PRKCH: variants seen among roughly 807,000 people sequenced by gnomAD.
The protein encoded by PRKCH is protein kinase C eta, also known as protein kinase C eta type.
A neutral mutation model predicts 82.5 loss-of-function variants in PRKCH; 28 were observed. That is an observed-to-expected ratio of 0.34 (90% confidence interval 0.25 to 0.47). The LOEUF is 0.47. Among genes scored for constraint, PRKCH ranks in the 20% least tolerant of loss-of-function variants. The pLI is 1.00. For missense variants in PRKCH, 705 were observed against 881.8 expected, an observed-to-expected ratio of 0.80 and a Z score of 2.54; for synonymous variants, 322 against 327.4, an observed-to-expected ratio of 0.98 and a Z score of 0.18.
At chr14:61,425,316 G>C (rs907554948) in intron 2 of PRKCH, among the ~76,000 whole-genome samples, 3 of 152,200 alleles carry the variant, frequency 2.0e-5, no homozygotes, top group African/African-American at 4.8e-5. Context: ...GCAGCCAGGA[G>C]GGGGATATAC....
intron 1 of PRKCH, among the ~76,000 whole-genome samples, chr14:61,379,211 C>T (rs1007090108): frequency 2.0e-5 from 3 of 149,956 alleles, no homozygotes; most frequent in African/African-American, 7.4e-5. Context: ...TAGATGCCCC[C>T]CCTCCCCAGG....
chr14:61,524,486 T>TA (rs2042942988), intron 10 of PRKCH, among the ~76,000 whole-genome samples: 1 of 152,232 alleles, frequency 6.6e-6, no homozygotes, highest in South Asian at 2.1e-4. Flanking sequence ...CTGTATGAAC[T>TA]TGTAATCTTC....
At position 61,460,471 on chromosome 14, in the gene PRKCH, T is replaced by C. The variant is rs79984160; in HGVS notation, c.1278+2792T>C. On this transcript the variant is annotated intron_variant, in intron 9 of 13. Transcript: ENST00000332981. ...TTGAGTTCAATTGCCCCCTCCCCCA[T>C]TGTGGTTAAAGATAGTGAACGTTTT... Among the ~76,000 whole-genome samples, 476 of 152,300 alleles carry C rather than the reference T, an allele frequency of 3.1e-3. 11 individuals are homozygous for C. The East Asian group carries it at 0.06, about 19-fold the overall frequency.
At chr14:61,271,846 A>G (rs2045156225) in intron 1 of PRKCH, among the ~76,000 whole-genome samples, 1 of 152,238 alleles carries the variant, frequency 6.6e-6, no homozygotes, top group Non-Finnish European at 1.5e-5. Context: ...GTCCCCAACC[A>G]GCTGCATAAC....
At chr14:61,416,569 G>C (rs71416099) in intron 2 of PRKCH, among the ~76,000 whole-genome samples, 1 of 152,072 alleles carries the variant, frequency 6.6e-6, no homozygotes, top group South Asian at 2.1e-4. Flanking sequence ...GCTTGGCTCA[G>C]CTGCTGGGCG....
At chr14:61,358,505 A>G (rs2046180781) in intron 1 of PRKCH, among the ~76,000 whole-genome samples, 1 of 152,082 alleles carries the variant, frequency 6.6e-6, no homozygotes, top group African/African-American at 2.4e-5. Context: ...GATTCCCATT[A>G]CCACTACCTG....
intron 2 of PRKCH, among the ~76,000 whole-genome samples, chr14:61,403,101 A>T (rs952052950): frequency 6.6e-6 from 1 of 152,134 alleles, no homozygotes; most frequent in African/African-American, 2.4e-5. Flanking sequence ...CACTCTCTCT[A>T]TCTTTGGGGG....
At chr14:61,343,011 A>G (rs757158484) in intron 1 of PRKCH, among the ~76,000 whole-genome samples, 3 of 152,194 alleles carry the variant, frequency 2.0e-5, no homozygotes, top group Non-Finnish European at 2.9e-5. Context: ...TTCTCCATGG[A>G]TCCGATATTG....
chr14:61,392,997 T>TAAATAAATGGTTCTAGCA (rs1266332554), intron 2 of PRKCH, among the ~76,000 whole-genome samples: 3 of 152,204 alleles, frequency 2.0e-5, no homozygotes, highest in African/African-American at 7.2e-5. Flanking sequence ...ATTAAAAGTC[T>TAAATAAATGGTTCTAGCA]CCCCTGGCCC....
chr14:61,469,202 A>G (rs11158348), intron 9 of PRKCH, among the ~76,000 whole-genome samples: 20,473 of 152,208 alleles, frequency 0.13, 2,971 homozygotes, highest in African/African-American at 0.37. Context: ...CTCCCAAAGT[A>G]TTAGGATTAC....
At chr14:61,229,610 G>A (rs1442970435) in intron 1 of PRKCH, among the ~76,000 whole-genome samples, 7 of 152,164 alleles carry the variant, frequency 4.6e-5, no homozygotes, top group South Asian at 2.1e-4. Flanking sequence ...ACCTGAGACC[G>A]AAGGGAAGAT....
At chr14:61,263,591 C>T (rs1357703426) in intron 1 of PRKCH, among the ~76,000 whole-genome samples, 4 of 152,130 alleles carry the variant, frequency 2.6e-5, no homozygotes, top group Non-Finnish European at 5.9e-5. Context: ...AATTCTATTG[C>T]CAATTATCTA....
chr14:61,367,345 C>T (rs1810491999), intron 1 of PRKCH, among the ~76,000 whole-genome samples: 4 of 142,662 alleles, frequency 2.8e-5, no homozygotes, highest in South Asian at 4.5e-4. Context: ...TCAGGTATTG[C>T]GTGTGTGTGT....
At chr14:61,234,385 G>A in intron 1 of PRKCH, among the ~76,000 whole-genome samples, 2 of 152,216 alleles carry the variant, frequency 1.3e-5, no homozygotes, top group Middle Eastern at 6.8e-3. Context: ...CTAGTGTGCT[G>A]CTCCCTTGGT....
chr14:61,226,622 C>A (rs1032734578), intron 1 of PRKCH, among the ~76,000 whole-genome samples: 2 of 152,134 alleles, frequency 1.3e-5, no homozygotes, highest in Admixed American at 6.5e-5. Context: ...TGTGGATAGA[C>A]CATGGAATTA....
chr14:61,346,349 A>T (rs967484232), intron 1 of PRKCH, among the ~76,000 whole-genome samples: 2 of 152,312 alleles, frequency 1.3e-5, no homozygotes, highest in East Asian at 3.9e-4. Context: ...CCTAACAGTG[A>T]ATTCCTAGGT....
At chr14:61,537,757 G>A (rs1416389733) in intron 12 of PRKCH, 1 of 152,218 alleles carries the variant, frequency 6.6e-6, no homozygotes, top group African/African-American at 2.4e-5. Context: ...TGTTGACTCT[G>A]GAAGCACTGT....
Position 61,530,473 on chromosome 14 carries a change from A to G in PRKCH, c.1639A>G (p.Met547Val). The G allele has an allele frequency of 2.5e-6, 4 of 1,612,074 alleles. No homozygotes were observed. Among genetic ancestry groups the G allele is most frequent in the Non-Finnish European group, 3.4e-6 (4 of 1,179,064 alleles). ...WWAMGVLLYE[M>V]LCGHAPFEAE... is the part of the protein sequence containing the mutation. ...GGCAATGGGCGTGTTGCTCTATGAG[A>G]TGCTCTGTGGTCACGCGCCTTTTGA... Residue 547 changes from methionine to valine, a missense_variant, in exon 12 of 14, where the codon ATG becomes GTG. Transcript: ENST00000332981.
intron 1 of PRKCH, among the ~76,000 whole-genome samples, chr14:61,389,277 G>C (rs564835100): frequency 6.6e-5 from 10 of 152,074 alleles, no homozygotes; most frequent in African/African-American, 2.4e-4. Context: ...TTGAACCCAG[G>C]TGGTCGAGGC....
Sources: gnomAD v4.1 joint callset for allele counts (sites outside exome capture counted in the v4.1 genomes callset) on GRCh38, gnomAD v4.1.1 for gene constraint, MANE v1.5 for transcripts, NCBI Gene and HGNC (gene_info 2026-07-23, HGNC 2026-07-21) for gene names.